ATRN: variants seen among roughly 807,000 people sequenced by gnomAD.
ATRN encodes attractin.
In ATRN, 54 loss-of-function variants were observed where a neutral mutation model predicts 178.7. The ratio of observed to expected loss-of-function variants is 0.30; its 90% CI spans 0.24 to 0.38. The LOEUF is 0.38. Ranked by LOEUF, ATRN falls within the 10% of genes least tolerant of loss-of-function variation. The probability of loss-of-function intolerance (pLI) is 1.00; values close to 1 mark genes in which losing one functional copy is unlikely to be tolerated. For synonymous variants in ATRN, 636 were observed against 663.0 expected (o/e 0.96, Z 0.63); for missense variants, 1,443 against 1,815.1 (o/e 0.79, Z 3.73).
intron 6 of ATRN, among the ~76,000 whole-genome samples, chr20:3,555,676 C>G (rs2085867660): frequency 6.6e-6 from 1 of 152,102 alleles, no homozygotes; most frequent in Non-Finnish European, 1.5e-5. Flanking sequence ...AAATACCAGC[C>G]CTCACACTAA....
At chr20:3,483,728 C>T (rs971430402) in intron 1 of ATRN, among the ~76,000 whole-genome samples, 1 of 152,074 alleles carries the variant, frequency 6.6e-6, no homozygotes, top group East Asian at 1.9e-4. Context: ...TTTTGAAACA[C>T]CTCCAAAATA....
At chr20:3,644,778 C>T (rs550222525) in intron 28 of ATRN, among the ~76,000 whole-genome samples, 1 of 152,302 alleles carries the variant, frequency 6.6e-6, no homozygotes, top group African/African-American at 2.4e-5. Context: ...AAATATAAGG[C>T]ACAAACACAA....
intron 18 of ATRN, among the ~76,000 whole-genome samples, chr20:3,588,976 C>CTTTTTTT (rs1375444238): frequency 4.3e-4 from 25 of 57,628 alleles, no homozygotes; most frequent in African/African-American, 1.4e-3. Flanking sequence ...GTAGTATTTT[C>CTTTTTTT]TTTTGTTTTT....
At chr20:3,598,466 C>G (rs887624735) in intron 22 of ATRN, among the ~76,000 whole-genome samples, 1 of 152,188 alleles carries the variant, frequency 6.6e-6, no homozygotes. Context: ...AGGGGACACT[C>G]TGCTCCTAGA....
chr20:3,575,802 T>C, intron 12 of ATRN, 25 bp from the exon 13 acceptor site: 1 of 1,593,470 alleles, frequency 6.3e-7, no homozygotes, highest in Non-Finnish European at 8.6e-7. Flanking sequence ...TTGTCCCAGT[T>C]CATGAGATTT....
intron 21 of ATRN, 93 bp downstream of exon 21, chr20:3,596,522 A>T: frequency 6.1e-6 from 7 of 1,152,294 alleles, no homozygotes; most frequent in Non-Finnish European, 9.0e-6. Flanking sequence ...GTGCTATAAG[A>T]CTATAGCAGC....
At chr20:3,558,383 T>C (rs2085906554) in intron 6 of ATRN, among the ~76,000 whole-genome samples, 1 of 152,128 alleles carries the variant, frequency 6.6e-6, no homozygotes, top group African/African-American at 2.4e-5. Flanking sequence ...GATGGACATT[T>C]ATTTGTATTC....
rs760582022 is a variant in ATRN, at chr20:3,471,051, G to A, written c.-57G>A. ...GCCCCGCACGGCCAGGCGAAGCGGA[G>A]CCGGCCGTGCGGTGTGTGTGTATGT... On this transcript the variant is annotated 5_prime_UTR_variant, in exon 1 of 29. Transcript: ENST00000262919. 2.8e-6 allele frequency: 4 copies of A among 1,448,460 alleles called. No individual in the cohort carries two copies. The highest frequency in any genetic ancestry group is 1.4e-5 in the South Asian group (1 of 73,144). The allele number at this position is 1,448,460 out of a possible 1,614,324, so 89.7% of individuals were successfully genotyped here. A position where few individuals can be genotyped will look rare whatever the true frequency, so the allele number is the denominator to read the frequency against.
intron 24 of ATRN, among the ~76,000 whole-genome samples, chr20:3,607,286 A>C (rs1055429185): frequency 6.6e-6 from 1 of 152,206 alleles, no homozygotes; most frequent in Non-Finnish European, 1.5e-5. Context: ...AATAATGAAT[A>C]AGTTATTGCT....
intron 1 of ATRN, among the ~76,000 whole-genome samples, chr20:3,531,608 T>A (rs1289236566): frequency 1.3e-5 from 2 of 152,184 alleles, no homozygotes; most frequent in Non-Finnish European, 2.9e-5. Context: ...TTCCGTAAGG[T>A]TTTGTTGAGT....
chr20:3,617,566 C>A (rs1265750309), intron 24 of ATRN, among the ~76,000 whole-genome samples: 1 of 152,084 alleles, frequency 6.6e-6, no homozygotes, highest in Non-Finnish European at 1.5e-5. Flanking sequence ...TGTCTGTAAT[C>A]CCAGCACTTT....
chr20:3,621,175 A>G (rs2086894626), intron 24 of ATRN, among the ~76,000 whole-genome samples: 1 of 152,114 alleles, frequency 6.6e-6, no homozygotes, highest in Non-Finnish European at 1.5e-5. Flanking sequence ...AGCCTGCCAG[A>G]GTTTCCAGTG....
intron 2 of ATRN, among the ~76,000 whole-genome samples, 165 bp from the exon 3 acceptor site, chr20:3,540,057 T>C (rs151522): frequency 0.12 from 17,973 of 152,226 alleles, 1,686 homozygotes; most frequent in African/African-American, 0.26. Context: ...TAGTCTCTTG[T>C]ACTTGGAGAA....
At chr20:3,637,429 C>T (rs962964168) in intron 26 of ATRN, among the ~76,000 whole-genome samples, 9 of 151,980 alleles carry the variant, frequency 5.9e-5, no homozygotes, top group Admixed American at 2.0e-4. Context: ...ATATATTAGT[C>T]GAGTAAATGG....
chr20:3,610,843 G>A (rs532425238), intron 24 of ATRN, among the ~76,000 whole-genome samples: 1 of 136,714 alleles, frequency 7.3e-6, no homozygotes. Flanking sequence ...TGATCCTCCC[G>A]CCTTGGTCTC....
At chr20:3,485,335 G>A (rs2084675577) in intron 1 of ATRN, among the ~76,000 whole-genome samples, 1 of 152,032 alleles carries the variant, frequency 6.6e-6, no homozygotes, top group Non-Finnish European at 1.5e-5. Flanking sequence ...TAATTAATGA[G>A]CTAGTTCATG....
intron 24 of ATRN, among the ~76,000 whole-genome samples, chr20:3,624,193 G>A (rs909085542): frequency 6.6e-6 from 1 of 152,162 alleles, no homozygotes; most frequent in East Asian, 1.9e-4. Flanking sequence ...TTGTGTGTGG[G>A]TGGAGGCGCA....
At chr20:3,615,947 G>A in intron 24 of ATRN, 1 of 375,788 alleles carries the variant, frequency 2.7e-6, no homozygotes, top group South Asian at 1.9e-5. Context: ...AATGTTAAAT[G>A]ACGAGTTAAT....
chr20:3,504,504 C>T (rs957631235), intron 1 of ATRN, among the ~76,000 whole-genome samples: 8 of 118,464 alleles, frequency 6.8e-5, no homozygotes, highest in East Asian at 2.3e-4. Flanking sequence ...GGTGAAACCT[C>T]GTCTCTACTA....
Sources: gnomAD v4.1 joint callset for allele counts (sites outside exome capture counted in the v4.1 genomes callset) on GRCh38, gnomAD v4.1.1 for gene constraint, MANE v1.5 for transcripts, NCBI Gene and HGNC (gene_info 2026-07-23, HGNC 2026-07-21) for gene names.